Variants in CFAP54 observed in about 807,000 individuals in gnomAD.
CFAP54 encodes the protein cilia- and flagella-associated protein 54.
CFAP54 carries 290 observed loss-of-function variants against 370.4 expected under a neutral mutation model. That is an observed-to-expected ratio of 0.78 (90% CI 0.71 to 0.86). CFAP54 has a LOEUF of 0.86. Among genes scored for constraint, CFAP54 ranks in the 40% least tolerant of loss-of-function variants. The pLI, the probability that CFAP54 is intolerant of heterozygous loss-of-function variation, is 0.00. For synonymous variants in CFAP54, 1,206 were observed against 1,236.5 expected (o/e 0.98, Z 0.52); for missense variants, 3,399 against 3,528.7 (o/e 0.96, Z 0.93).
In CFAP54 at chr12:96,860,882, G is replaced by A. The variant is rs1959862624; in HGVS notation, c.9235G>A (p.Gly3079Ser). The A allele has an allele frequency of 6.5e-7, 1 of 1,534,606 alleles. No individual in the cohort carries two copies. Among genetic ancestry groups the A allele is most frequent in the Non-Finnish European group, 8.7e-7 (1 of 1,146,018 alleles). ...NLERLFDLAN[G>S]CILSGGSLFN... Reference sequence around the variant, plus strand: ...TGAGAGACTTTTTGATCTGGCTAATGGTTGCATTTTATCAGGAGGAAGCCT... The same window carrying A: ...TGAGAGACTTTTTGATCTGGCTAATAGTTGCATTTTATCAGGAGGAAGCCT... The change falls in exon 67 of 68, where the codon GGT becomes AGT. Residue 3079 changes from glycine to serine, a missense_variant. Coordinates refer to ENST00000524981, the MANE Select transcript of CFAP54 (RefSeq NM_001306084.2).
At chr12:96,531,688 A>G (rs894790681) in intron 9 of CFAP54, among the ~76,000 whole-genome samples, 2 of 151,804 alleles carry the variant, frequency 1.3e-5, no homozygotes, top group African/African-American at 4.8e-5. Context: ...TACCTATTTA[A>G]TTATTTGTTT....
At chr12:96,770,765 A>T (rs1265208956) in intron 60 of CFAP54, among the ~76,000 whole-genome samples, 2 of 152,204 alleles carry the variant, frequency 1.3e-5, no homozygotes, top group Admixed American at 1.3e-4. Context: ...GTCATTATGC[A>T]CATTTATAAA....
chr12:96,552,210 C>T (rs1194187310), intron 15 of CFAP54, among the ~76,000 whole-genome samples: 7 of 140,608 alleles, frequency 5.0e-5, no homozygotes, highest in Admixed American at 1.5e-4. Flanking sequence ...CACGCCATTG[C>T]GCTCCAACCT....
chr12:96,585,619 G>A (rs1685116775), intron 22 of CFAP54, among the ~76,000 whole-genome samples: 1 of 152,204 alleles, frequency 6.6e-6, no homozygotes, highest in Non-Finnish European at 1.5e-5. Context: ...ACAGCGCCTG[G>A]CTGCAACTTG....
chr12:96,793,876 A>G (rs1414822422), intron 63 of CFAP54, among the ~76,000 whole-genome samples: 2 of 147,750 alleles, frequency 1.4e-5, no homozygotes, highest in East Asian at 4.0e-4. Context: ...TTGTCTATTC[A>G]TGTCCTTAGC....
intron 45 of CFAP54, among the ~76,000 whole-genome samples, chr12:96,699,747 G>A (rs1012427378): frequency 6.6e-6 from 1 of 152,104 alleles, no homozygotes; most frequent in Admixed American, 6.5e-5. Context: ...TTGAACAGCC[G>A]CCTGCTGTTG....
At chr12:96,637,201 ATTATC>A (rs1956672161) in intron 32 of CFAP54, among the ~76,000 whole-genome samples, 1 of 152,106 alleles carries the variant, frequency 6.6e-6, no homozygotes, top group South Asian at 2.1e-4. Context: ...GTTTTCCAGG[ATTATC>A]CATGTGGCAT....
Position 96,521,843 on chromosome 12 carries a change from T to G in CFAP54, c.943-14T>G. ...TTCTGATTTATGAATTAAATTTATT[T>G]TAATCACATGTAGGCATTTGCTCGG... On this transcript the variant is annotated splice_polypyrimidine_tract_variant and intron_variant, in intron 6 of 67. Coordinates refer to ENST00000524981, the MANE Select transcript of CFAP54 (RefSeq NM_001306084.2). 2 of 1,481,144 alleles carry G rather than the reference T, an allele frequency of 1.4e-6. No individual in the cohort carries two copies. Among genetic ancestry groups the G allele is most frequent in the Admixed American group, 4.2e-5 (2 of 47,512 alleles). The allele number at this position is 1,481,144 out of a possible 1,614,324, so 91.8% of individuals were successfully genotyped here. A position where few individuals can be genotyped will look rare whatever the true frequency, so the allele number is the denominator to read the frequency against.
chr12:96,833,370 G>A (rs904684034), intron 66 of CFAP54, among the ~76,000 whole-genome samples: 4 of 152,138 alleles, frequency 2.6e-5, no homozygotes, highest in East Asian at 1.9e-4. Flanking sequence ...CACCAGCTAC[G>A]TATAGAACAT....
intron 63 of CFAP54, among the ~76,000 whole-genome samples, chr12:96,804,514 A>G (rs1479128988): frequency 1.3e-5 from 2 of 152,186 alleles, no homozygotes; most frequent in East Asian, 1.9e-4. Flanking sequence ...AGGCAATCAC[A>G]TTTGTAATAA....
At chr12:96,558,058 G>A (rs996922784) in intron 17 of CFAP54, among the ~76,000 whole-genome samples, 17 of 152,106 alleles carry the variant, frequency 1.1e-4, no homozygotes, top group Non-Finnish European at 2.1e-4. Context: ...GTGGCAGGGA[G>A]ATGGCGTAGG....
At position 96,791,841 on chromosome 12, in the gene CFAP54, A is replaced by AT. The variant is rs1009863253; in HGVS notation, c.8680-479dup. ...TGTTGAGTTCACTGGGTTCTGAAGCATTTTTTTTTCTTTTTTTTTTTTTTT... is the reference window on the plus strand; with the variant it reads ...TGTTGAGTTCACTGGGTTCTGAAGCATTTTTTTTTTCTTTTTTTTTTTTTTT... On this transcript the variant is annotated intron_variant, in intron 62 of 67. Transcript: ENST00000524981. 4.9e-5 allele frequency among the ~76,000 whole-genome samples: 7 copies of AT among 141,530 alleles called. No homozygotes were observed. The South Asian group carries it at 6.7e-4, about 13-fold the overall frequency. The allele number at this position is 141,530 out of a possible 152,430, so 92.8% of individuals were successfully genotyped here.
At chr12:96,848,680 G>A (rs1382952344) in intron 66 of CFAP54, among the ~76,000 whole-genome samples, 1 of 152,046 alleles carries the variant, frequency 6.6e-6, no homozygotes, top group African/African-American at 2.4e-5. Flanking sequence ...CCTGGCAACA[G>A]AACGAGACTC....
chr12:96,706,547 A>T (rs1310159237), intron 47 of CFAP54, among the ~76,000 whole-genome samples: 1 of 152,114 alleles, frequency 6.6e-6, no homozygotes, highest in African/African-American at 2.4e-5. Context: ...AAGGTCAGAG[A>T]GGTCAAATTG....
At chr12:96,529,078 T>C (rs1342814249) in intron 9 of CFAP54, among the ~76,000 whole-genome samples, 1 of 152,190 alleles carries the variant, frequency 6.6e-6, no homozygotes, top group Non-Finnish European at 1.5e-5. Flanking sequence ...ATCTTTTGGT[T>C]ACTGATTTCT....
chr12:96,690,071 T>G (rs1205810978), intron 43 of CFAP54, among the ~76,000 whole-genome samples: 2 of 152,228 alleles, frequency 1.3e-5, no homozygotes, highest in Non-Finnish European at 2.9e-5. Context: ...TTTCTGATAC[T>G]CCTTGTTCTT....
At chr12:96,594,890 AGGG>A (rs1389541344) in intron 25 of CFAP54, among the ~76,000 whole-genome samples, 1 of 152,162 alleles carries the variant, frequency 6.6e-6, no homozygotes, top group African/African-American at 2.4e-5. Flanking sequence ...ACCTGGCTGA[AGGG>A]ATTATATAGT....
chr12:96,538,378 T>C lies in CFAP54; in HGVS notation c.1792-6T>C, dbSNP rs1955531026. ...TACTCATTTACCTTCTCACTTTTGT[T>C]TTTAGGATGTTCAACCTGATAAAGA... is the stretch of plus-strand genomic sequence containing the variant. On this transcript the variant is annotated splice_polypyrimidine_tract_variant and splice_region_variant and intron_variant, in intron 12 of 67. Coordinates refer to ENST00000524981, the MANE Select transcript of CFAP54 (RefSeq NM_001306084.2). The C allele has an allele frequency of 1.3e-6, 2 of 1,532,408 alleles. No individual in the cohort carries two copies. Among genetic ancestry groups the C allele is most frequent in the Admixed American group, 2.0e-5 (1 of 50,680 alleles). 94.9% of individuals were successfully genotyped at this position (1,532,408 alleles called of 1,614,324 possible). A position where few individuals can be genotyped will look rare whatever the true frequency, so the allele number is the denominator to read the frequency against.
rs77555524 is a variant in CFAP54, at chr12:96,686,900, G to A, written c.6014+1662G>A. Among the ~76,000 whole-genome samples the A allele has an allele frequency of 4.8e-3, 733 of 152,184 alleles. 4 individuals are homozygous for A. Among genetic ancestry groups the A allele is most frequent in the African/African-American group, 0.017 (693 of 41,514 alleles). On this transcript the variant is annotated intron_variant, in intron 42 of 67. Transcript: ENST00000524981. ...TGTAACAAATTACCCTAAACCTAGC[G>A]GCTTAAAACAAAACAGGTTTATTAT... is the stretch of plus-strand genomic sequence containing the variant.
Sources: allele counts gnomAD v4.1 joint callset (sites outside exome capture counted in the v4.1 genomes callset), GRCh38; gene constraint gnomAD v4.1.1; transcripts MANE v1.5; gene names NCBI Gene and HGNC (gene_info 2026-07-23, HGNC 2026-07-21).